The following TDRD3 variants were observed in gnomAD, a reference collection of about 807,000 sequenced individuals.
The protein encoded by TDRD3 is tudor domain containing 3, also known as tudor domain-containing protein 3.
Under a neutral mutation model 86.7 loss-of-function variants are expected in TDRD3, and 45 were observed. The ratio of observed to expected loss-of-function variants is 0.52; its 90% confidence interval spans 0.41 to 0.67. The LOEUF (loss-of-function observed/expected upper bound fraction) is 0.67. TDRD3 is among the 30% of genes least tolerant of loss of function. TDRD3 has a pLI of 0.00. For missense variants in TDRD3, 814 were observed against 889.0 expected (o/e 0.92, Z 1.07); for synonymous variants, 298 against 301.7 (o/e 0.99, Z 0.13).
Position 60,535,182 on chromosome 13 carries a change from C to G in TDRD3, c.2067C>G (p.Asn689Lys). 1.2e-6 allele frequency: 2 copies of G among 1,613,848 alleles called. No individual in the cohort carries two copies. Among genetic ancestry groups the G allele is most frequent in the Non-Finnish European group, 1.7e-6 (2 of 1,179,864 alleles). The change falls in exon 12 of 14, where the codon AAC (asparagine) becomes AAG (lysine). Residue 689 changes from asparagine to lysine, a missense_variant. Coordinates refer to ENST00000377881, the MANE Select transcript of TDRD3 (RefSeq NM_001146070.2). ...TAVVKFIDYG[N>K]YEEVLLSNIK... ...TTGTTAAATTCATTGACTACGGAAA[C>G]TATGAAGAGGTGCTACTGAGCAATA...
At chr13:60,522,429 T>C (rs1244338644) in intron 10 of TDRD3, among the ~76,000 whole-genome samples, 1 of 152,224 alleles carries the variant, frequency 6.6e-6, no homozygotes, top group Admixed American at 6.5e-5. Flanking sequence ...GTTTATTTGC[T>C]TAATTTTAAT....
chr13:60,403,915 A>G (rs926843988), intron 1 of TDRD3, among the ~76,000 whole-genome samples: 3 of 152,252 alleles, frequency 2.0e-5, no homozygotes, highest in Non-Finnish European at 4.4e-5. Context: ...ATACAATAAT[A>G]TGTGCACTGA....
At chr13:60,474,060 C>T (rs915895548) in intron 5 of TDRD3, among the ~76,000 whole-genome samples, 1 of 152,214 alleles carries the variant, frequency 6.6e-6, no homozygotes, top group East Asian at 1.9e-4. Context: ...TGGTCACGCT[C>T]CTGATCCGCT....
chr13:60,530,817 C>T (rs1957567833), intron 11 of TDRD3, among the ~76,000 whole-genome samples: 1 of 151,798 alleles, frequency 6.6e-6, no homozygotes, highest in South Asian at 2.1e-4. Context: ...GAGTGTGTGG[C>T]TAAAGGGAAT....
At chr13:60,518,816 A>G (rs536796365) in intron 10 of TDRD3, among the ~76,000 whole-genome samples, 1 of 152,282 alleles carries the variant, frequency 6.6e-6, no homozygotes, top group South Asian at 2.1e-4. Flanking sequence ...ATTTTTCAGA[A>G]CTAGTCTCTG....
rs532836382 is a variant in TDRD3 at position 60,416,128 on chromosome 13, C to T, written c.41+18723C>T. On this transcript the variant is annotated intron_variant, in intron 1 of 13. Coordinates refer to ENST00000377881, the MANE Select transcript of TDRD3 (RefSeq NM_001146070.2). ...GATAAGGTATTGATTTTAGATTTAA[C>T]ATGGTACAATATCAAATCATGGCAA... Among the ~76,000 whole-genome samples, 4 of 152,266 alleles carry T rather than the reference C, an allele frequency of 2.6e-5. No homozygotes were observed. The South Asian group carries it at 8.3e-4, about 32-fold the overall frequency.
intron 1 of TDRD3, among the ~76,000 whole-genome samples, chr13:60,432,596 G>T (rs1954981095): frequency 6.6e-6 from 1 of 152,046 alleles, no homozygotes; most frequent in South Asian, 2.1e-4. Context: ...TTACACTATG[G>T]AGAGAGAAAC....
chr13:60,558,509 C>T (rs2137942740), intron 12 of TDRD3, among the ~76,000 whole-genome samples: 1 of 152,240 alleles, frequency 6.6e-6, no homozygotes, highest in East Asian at 1.9e-4. Flanking sequence ...ATGCATTTTT[C>T]ATTATTAATC....
rs758693631 is a variant in TDRD3 at position 60,460,383 on chromosome 13, G to A, written c.196G>A (p.Glu66Lys). ...TTATTCTTTTCTGTTTTGACAGCTC[G>A]AAGGTCCATGTGTTTTGCAAATTCA... ...DINSGKVEKLEGPCVLQIQKI... is the reference protein window; with the variant it reads ...DINSGKVEKLKGPCVLQIQKI... The change falls in exon 4 of 14, where the codon GAA (glutamate) becomes AAA (lysine). Residue 66 changes from glutamate (E) to lysine (K), a missense_variant. Glu to Lys is a moderately conservative substitution (Grantham distance 56). Transcript: ENST00000377881. The A allele has an allele frequency of 1.3e-5, 20 of 1,597,956 alleles. No individual in the cohort carries two copies. The highest frequency in any genetic ancestry group is 6.8e-5 in the East Asian group (3 of 43,876).
upstream of TDRD3, among the ~76,000 whole-genome samples, chr13:60,395,897 T>C (rs1953887134): frequency 6.6e-6 from 1 of 152,242 alleles, no homozygotes; most frequent in African/African-American, 2.4e-5. Context: ...CTACTTGTGA[T>C]CTAAAATTAT....
intron 13 of TDRD3, among the ~76,000 whole-genome samples, chr13:60,573,035 C>T (rs1194170194): frequency 6.6e-6 from 1 of 152,188 alleles, no homozygotes; most frequent in Non-Finnish European, 1.5e-5. Context: ...TGCCTAAGCA[C>T]GCTGTCATGC....
At chr13:60,466,796 A>T (rs1239890176) in intron 4 of TDRD3, among the ~76,000 whole-genome samples, 4 of 92,130 alleles carry the variant, frequency 4.3e-5, no homozygotes, top group South Asian at 3.7e-4. Context: ...TCTGTCTTTT[A>T]AAAAAAAAAA....
intron 5 of TDRD3, among the ~76,000 whole-genome samples, chr13:60,481,266 A>G (rs192958314): frequency 6.6e-6 from 1 of 151,012 alleles, no homozygotes; most frequent in Non-Finnish European, 1.5e-5. Flanking sequence ...TTTTTGATCT[A>G]TGAGTTTATT....
At position 60,533,297 on chromosome 13, in the gene TDRD3, T is replaced by G. The variant is rs115480354; in HGVS notation, c.1993-1811T>G. On this transcript the variant is annotated intron_variant, in intron 11 of 13. Coordinates refer to ENST00000377881, the MANE Select transcript of TDRD3 (RefSeq NM_001146070.2). The stretch of plus-strand genomic sequence containing the variant: ...ATTTTTTAGAAGGATGTGAAAAATA[T>G]GAATTTTTGTTGCCTGTAGCATTTT... 2.9e-3 allele frequency among the ~76,000 whole-genome samples: 447 copies of G among 152,298 alleles called. 10 individuals carry two copies. Among genetic ancestry groups the G allele is most frequent in the Admixed American group, 0.027 (409 of 15,298 alleles).
At chr13:60,442,571 T>G (rs1440765017) in intron 2 of TDRD3, among the ~76,000 whole-genome samples, 1 of 152,128 alleles carries the variant, frequency 6.6e-6, no homozygotes, top group Non-Finnish European at 1.5e-5. Context: ...ATAATAAAGT[T>G]GTCTTTATAG....
At chr13:60,497,991 A>G (rs1956753568) in intron 8 of TDRD3, among the ~76,000 whole-genome samples, 1 of 150,334 alleles carries the variant, frequency 6.7e-6, no homozygotes, top group East Asian at 1.9e-4. Context: ...TCGGGGGGTT[A>G]AAAAAAAAGG....
intron 10 of TDRD3, among the ~76,000 whole-genome samples, chr13:60,521,028 A>G (rs1957275394): frequency 6.6e-6 from 1 of 152,252 alleles, no homozygotes; most frequent in Non-Finnish European, 1.5e-5. Flanking sequence ...CTGCAAAACT[A>G]GAAAAGCAGT....
chr13:60,397,440 G>A, intron 1 of TDRD3, 35 bp downstream of exon 1: 1 of 1,475,808 alleles, frequency 6.8e-7, no homozygotes, highest in Non-Finnish European at 9.0e-7. Context: ...CCGGGCCGCG[G>A]GTGCGGGCCG....
In TDRD3 at chr13:60,397,391, G is replaced by C. The variant is rs897469518; in HGVS notation, c.27G>C (p.Leu9Phe). The C allele has an allele frequency of 6.7e-6, 10 of 1,500,290 alleles. No homozygotes were observed. The highest frequency in any genetic ancestry group is 8.9e-6 in the Non-Finnish European group (10 of 1,126,172). The allele number at this position is 1,500,290 out of a possible 1,614,324, so 92.9% of individuals were successfully genotyped here. ...TGGCCCAGGTGGCCGGCGCGGCGTTGTCCCAGGCGGGTTGGTAAGTGGCGA... is the reference window on the plus strand; with the variant it reads ...TGGCCCAGGTGGCCGGCGCGGCGTTCTCCCAGGCGGGTTGGTAAGTGGCGA... Reference protein sequence around the residue: MAQVAGAALSQAGWYLSDE... With the variant: MAQVAGAAFSQAGWYLSDE... Residue 9 changes from leucine (L) to phenylalanine (F), a missense_variant, in exon 1 of 14, where the codon TTG (leucine) becomes TTC (phenylalanine). By Grantham distance (22) the Leu-to-Phe change is conservative (BLOSUM62 0). Coordinates refer to ENST00000377881, the MANE Select transcript of TDRD3 (RefSeq NM_001146070.2).
Sources: allele counts gnomAD v4.1 joint callset (sites outside exome capture counted in the v4.1 genomes callset), GRCh38; gene constraint gnomAD v4.1.1; transcripts MANE v1.5; gene names NCBI Gene and HGNC (gene_info 2026-07-23, HGNC 2026-07-21).